Variants in DPF3 observed in about 807,000 individuals in gnomAD.
DPF3 encodes the protein zinc finger protein DPF3.
Under a neutral mutation model 56.8 loss-of-function variants are expected in DPF3, and 18 were observed. That is an observed-to-expected ratio of 0.32 (90% confidence interval 0.22 to 0.47). The LOEUF is 0.47. Among genes scored for constraint, DPF3 ranks in the 20% least tolerant of loss-of-function variants. The probability of loss-of-function intolerance (pLI) is 1.00; values close to 1 mark genes in which losing one functional copy is unlikely to be tolerated. For missense variants in DPF3, 403 were observed against 488.8 expected, an observed-to-expected ratio of 0.82 and a Z score of 1.65; for synonymous variants, 188 against 180.2, an observed-to-expected ratio of 1.04 and a Z score of -0.35.
rs1275898795 is a variant in DPF3, at chr14:72,863,144, ATATG to A, written c.32+30909_32+30912del. 5.6e-3 allele frequency among the ~76,000 whole-genome samples: 569 copies of A among 101,944 alleles called. 6 individuals carry two copies. The highest frequency in any genetic ancestry group is 0.026 in the African/African-American group (537 of 20,558). 66.9% of individuals were successfully genotyped at this position (101,944 alleles called of 152,430 possible). A position where few individuals can be genotyped will look rare whatever the true frequency, so the allele number is the denominator to read the frequency against. On this transcript the variant is annotated intron_variant, in intron 1 of 10. Coordinates refer to ENST00000556509, the MANE Select transcript of DPF3 (RefSeq NM_001280542.3). ...TGTGTGTGTGTGTGTGTGTATATAT[ATATG>A]TGTGTGTGTGTGTGTGTGTGTGTGT...
intron 1 of DPF3, among the ~76,000 whole-genome samples, chr14:72,885,415 G>A (rs113763875): frequency 2.2e-3 from 324 of 150,506 alleles, no homozygotes; most frequent in South Asian, 5.2e-3. Context: ...TGTTTTTTGA[G>A]ATAAGGTCTT....
rs569769873 is a variant in DPF3 at position 72,697,352 on chromosome 14, T to A, written c.605-4139A>T. ...ACAAGCCAGGGGGAGGTGGGTTGGA[T>A]ACAGGGTGAGACCGTGCCAGGCAAA... is the stretch of plus-strand genomic sequence containing the variant. On this transcript the variant is annotated intron_variant, in intron 6 of 10. Coordinates refer to ENST00000556509, the MANE Select transcript of DPF3 (RefSeq NM_001280542.3). Among the ~76,000 whole-genome samples the A allele has an allele frequency of 3.0e-3, 458 of 152,132 alleles. 9 individuals carry two copies. Among genetic ancestry groups the A allele is most frequent in the Non-Finnish European group, 1.3e-3 (85 of 67,978 alleles).
intron 8 of DPF3, among the ~76,000 whole-genome samples, chr14:72,631,802 T>A (rs556192763): frequency 6.6e-6 from 1 of 152,354 alleles, no homozygotes; most frequent in South Asian, 2.1e-4. Flanking sequence ...TACAATTGTA[T>A]AATTAGTGCC....
intron 8 of DPF3, among the ~76,000 whole-genome samples, chr14:72,632,040 G>C (rs1028621179): frequency 6.6e-6 from 1 of 152,218 alleles, no homozygotes; most frequent in Non-Finnish European, 1.5e-5. Context: ...AGTGAGCAGA[G>C]GCTTGATGAG....
chr14:72,834,494 C>CAAA (rs375709642), intron 1 of DPF3, among the ~76,000 whole-genome samples: 2,643 of 90,982 alleles, frequency 0.029, 163 homozygotes, highest in African/African-American at 0.094. Context: ...GAGACTGTCT[C>CAAA]AAAAAAAAAA....
intron 1 of DPF3, among the ~76,000 whole-genome samples, chr14:72,883,951 A>G (rs951234169): frequency 6.6e-6 from 1 of 151,854 alleles, no homozygotes; most frequent in African/African-American, 2.4e-5. Context: ...AAGAAAAAGA[A>G]AAAGAATCCA....
At chr14:72,869,923 T>G (rs928183578) in intron 1 of DPF3, among the ~76,000 whole-genome samples, 7 of 152,108 alleles carry the variant, frequency 4.6e-5, no homozygotes, top group Admixed American at 2.0e-4. Flanking sequence ...GCAGGAAGAT[T>G]CAGAGCAGTC....
chr14:72,716,060 C>T (rs1295756196), intron 5 of DPF3, among the ~76,000 whole-genome samples: 2 of 151,800 alleles, frequency 1.3e-5, no homozygotes, highest in Admixed American at 6.6e-5. Flanking sequence ...AGCCTGCAGC[C>T]CTGTCACAGC....
At chr14:72,784,713 C>G (rs2079960515) in intron 1 of DPF3, among the ~76,000 whole-genome samples, 1 of 152,186 alleles carries the variant, frequency 6.6e-6, no homozygotes, top group African/African-American at 2.4e-5. Context: ...AATCCTAACA[C>G]TTTGGGAGGC....
At chr14:72,677,524 C>T (rs1886965198) in intron 7 of DPF3, among the ~76,000 whole-genome samples, 1 of 152,184 alleles carries the variant, frequency 6.6e-6, no homozygotes, top group Admixed American at 6.5e-5. Flanking sequence ...CCTCCTCTCC[C>T]CGTTTCACAT....
chr14:72,775,479 A>T (rs1567229054), intron 1 of DPF3, among the ~76,000 whole-genome samples: 1 of 152,260 alleles, frequency 6.6e-6, no homozygotes, highest in Non-Finnish European at 1.5e-5. Flanking sequence ...CTGGATCGAG[A>T]ATGTCAAACA....
intron 1 of DPF3, among the ~76,000 whole-genome samples, chr14:72,808,992 C>T (rs756539842): frequency 1.3e-5 from 2 of 152,238 alleles, no homozygotes; most frequent in Admixed American, 1.3e-4. Flanking sequence ...CTTGGCAGTG[C>T]CTTGTAGCTC....
chr14:72,861,801 A>AAGAAAGAAAGAAAGAG (rs1567261330), intron 1 of DPF3, among the ~76,000 whole-genome samples: 1 of 150,422 alleles, frequency 6.6e-6, no homozygotes, highest in African/African-American at 2.5e-5. Flanking sequence ...GAAAGAAAGA[A>AAGAAAGAAAGAAAGAG]AGAAGGAAAG....
chr14:72,825,072 A>G (rs1288322806), intron 1 of DPF3, among the ~76,000 whole-genome samples: 106 of 140,218 alleles, frequency 7.6e-4, no homozygotes, highest in Middle Eastern at 9.3e-3. Context: ...ATTTTTAGTA[A>G]AGATGGGGTT....
At chr14:72,827,178 C>T (rs1883846235) in intron 1 of DPF3, among the ~76,000 whole-genome samples, 2 of 151,882 alleles carry the variant, frequency 1.3e-5, no homozygotes, top group Admixed American at 6.6e-5. Flanking sequence ...GGGGTGGTTA[C>T]GACAGACAAT....
At chr14:72,684,945 A>C (rs1887343149) in intron 7 of DPF3, among the ~76,000 whole-genome samples, 1 of 152,198 alleles carries the variant, frequency 6.6e-6, no homozygotes, top group Non-Finnish European at 1.5e-5. Flanking sequence ...CCACCCGTAC[A>C]CACCAAAGAA....
At chr14:72,789,457 C>T (rs1892341065) in intron 1 of DPF3, among the ~76,000 whole-genome samples, 1 of 152,188 alleles carries the variant, frequency 6.6e-6, no homozygotes, top group Non-Finnish European at 1.5e-5. Context: ...GAGAGGTTTG[C>T]TGACTGATTC....
Position 72,618,141 on chromosome 14 carries a change from G to A in DPF3, c.*1156C>T, listed in dbSNP as rs889408271. Among the ~76,000 whole-genome samples, 1 of 151,952 alleles carries A rather than the reference G, an allele frequency of 6.6e-6. No homozygotes were observed. Among genetic ancestry groups the A allele is most frequent in the African/African-American group, 2.4e-5 (1 of 41,364 alleles). On this transcript the variant is annotated 3_prime_UTR_variant, in exon 11 of 11. Transcript: ENST00000556509. ...CCCCGCACTGAGAGTTCTAAAATGT[G>A]GCCACCCTGGTCGTGAATAATGACC...
At chr14:72,627,712 C>T (rs549923776) in intron 9 of DPF3, among the ~76,000 whole-genome samples, 2 of 152,148 alleles carry the variant, frequency 1.3e-5, no homozygotes, top group Admixed American at 1.3e-4. Flanking sequence ...TTTATTGGAC[C>T]TGAGATAAAT....
Sources: allele counts gnomAD v4.1 joint callset (sites outside exome capture counted in the v4.1 genomes callset), GRCh38; gene constraint gnomAD v4.1.1; transcripts MANE v1.5; gene names NCBI Gene and HGNC (gene_info 2026-07-23, HGNC 2026-07-21).